The following GALNTL6 variants were observed in gnomAD, a reference collection of about 807,000 sequenced individuals.
GALNTL6 encodes polypeptide N-acetylgalactosaminyltransferase like 6.
GALNTL6 carries 46 observed loss-of-function variants against 73.7 expected under a neutral mutation model. The ratio of observed to expected loss-of-function variants is 0.62; its 90% CI spans 0.49 to 0.80. GALNTL6 has a LOEUF of 0.80. Among genes scored for constraint, GALNTL6 ranks in the 30% least tolerant of loss-of-function variants. The pLI is 0.00. For synonymous variants in GALNTL6, 259 were observed against 263.7 expected (o/e 0.98, Z 0.17); for missense variants, 604 against 755.0 (o/e 0.80, Z 2.34).
intron 2 of GALNTL6, among the ~76,000 whole-genome samples, chr4:171,976,800 CATTCATA>C (rs1290934738): frequency 6.6e-6 from 1 of 152,152 alleles, no homozygotes; most frequent in Non-Finnish European, 1.5e-5. Flanking sequence ...TGGAAGATGT[CATTCATA>C]ACATGAAACT....
chr4:172,678,350 A>ATTTTT (rs56057771), intron 5 of GALNTL6, among the ~76,000 whole-genome samples: 1 of 148,834 alleles, frequency 6.7e-6, no homozygotes, highest in African/African-American at 2.5e-5. Context: ...ACTAATTACT[A>ATTTTT]TTTTTTTTTT....
chr4:172,806,901 A>T (rs182979931), intron 5 of GALNTL6, among the ~76,000 whole-genome samples: 1 of 152,316 alleles, frequency 6.6e-6, no homozygotes, highest in African/African-American at 2.4e-5. Flanking sequence ...TCAATGCCTA[A>T]ATAAATTACA....
chr4:173,032,188 G>T (rs1753488360), intron 12 of GALNTL6, among the ~76,000 whole-genome samples: 1 of 152,216 alleles, frequency 6.6e-6, no homozygotes, highest in African/African-American at 2.4e-5. Flanking sequence ...TGTGGCTCAC[G>T]CCTGTAATCC....
At chr4:172,872,510 G>A (rs753114588) in intron 7 of GALNTL6, among the ~76,000 whole-genome samples, 4 of 152,130 alleles carry the variant, frequency 2.6e-5, no homozygotes, top group Admixed American at 6.5e-5. Context: ...AATGCAAAAT[G>A]CATTACAATG....
chr4:172,535,077 A>T (rs76177782), intron 5 of GALNTL6, among the ~76,000 whole-genome samples: 2,524 of 152,284 alleles, frequency 0.017, 65 homozygotes, highest in African/African-American at 0.057. Context: ...CTGAAAAACA[A>T]CTTCCATGTT....
At chr4:172,539,209 A>G (rs1472633803) in intron 5 of GALNTL6, among the ~76,000 whole-genome samples, 1 of 152,140 alleles carries the variant, frequency 6.6e-6, no homozygotes, top group Non-Finnish European at 1.5e-5. Flanking sequence ...ATCCCCATCA[A>G]CTTCACCATC....
chr4:172,109,977 T>C (rs1383268262), intron 2 of GALNTL6, among the ~76,000 whole-genome samples: 1 of 152,224 alleles, frequency 6.6e-6, no homozygotes, highest in Non-Finnish European at 1.5e-5. Context: ...AAAGAACTTG[T>C]CAAATAAAGA....
intron 2 of GALNTL6, among the ~76,000 whole-genome samples, chr4:172,213,997 A>T (rs1374633926): frequency 6.6e-6 from 1 of 152,092 alleles, no homozygotes; most frequent in Non-Finnish European, 1.5e-5. Flanking sequence ...CTAGATGTTG[A>T]TATTGTTTCA....
chr4:172,034,411 T>C (rs1741870065), intron 2 of GALNTL6, among the ~76,000 whole-genome samples: 1 of 53,434 alleles, frequency 1.9e-5, no homozygotes, highest in Non-Finnish European at 4.1e-5. Flanking sequence ...TGTGTGTGTG[T>C]GTGTGTGTGT....
At chr4:172,662,178 T>C (rs752172027) in intron 5 of GALNTL6, among the ~76,000 whole-genome samples, 1 of 152,028 alleles carries the variant, frequency 6.6e-6, no homozygotes, top group Non-Finnish European at 1.5e-5. Context: ...CTGTGGATAG[T>C]ATATTTCAGT....
At chr4:172,290,301 C>T (rs905039784) in intron 3 of GALNTL6, among the ~76,000 whole-genome samples, 2 of 152,098 alleles carry the variant, frequency 1.3e-5, no homozygotes, top group Non-Finnish European at 2.9e-5. Flanking sequence ...GAGACCGAAC[C>T]ATATTTGCTC....
intron 2 of GALNTL6, among the ~76,000 whole-genome samples, chr4:171,943,060 AG>A (rs1738598109): frequency 6.6e-6 from 1 of 152,226 alleles, no homozygotes. Context: ...GTTTCTCTCA[AG>A]GGGGTAGGAT....
chr4:172,377,910 C>G lies in GALNTL6; in HGVS notation c.553+29221C>G, dbSNP rs186883878. On this transcript the variant is annotated intron_variant, in intron 5 of 12. Transcript: ENST00000506823. Reference sequence around the variant, plus strand: ...TGCACGCAGCACCAGATCCCCCCCCCCATGCCTCTTCCTCCACACCTCCCC... The same window carrying G: ...TGCACGCAGCACCAGATCCCCCCCCGCATGCCTCTTCCTCCACACCTCCCC... Among the ~76,000 whole-genome samples, 1,218 of 152,076 alleles carry G rather than the reference C, an allele frequency of 8.0e-3. 11 individuals are homozygous for G. The highest frequency in any genetic ancestry group is 0.027 in the African/African-American group (1,139 of 41,468).
intron 2 of GALNTL6, among the ~76,000 whole-genome samples, chr4:172,174,571 C>T (rs549945684): frequency 1.1e-4 from 17 of 152,054 alleles, no homozygotes; most frequent in African/African-American, 3.6e-4. Context: ...ATTTATTGGT[C>T]GAGTAGTCCT....
intron 5 of GALNTL6, among the ~76,000 whole-genome samples, chr4:172,620,041 A>T (rs977106877): frequency 6.6e-6 from 1 of 152,014 alleles, no homozygotes. Flanking sequence ...ACTATTTGGG[A>T]CCTATTTTTT....
At chr4:171,920,329 A>C (rs1343645051) in intron 2 of GALNTL6, among the ~76,000 whole-genome samples, 2 of 152,118 alleles carry the variant, frequency 1.3e-5, no homozygotes, top group African/African-American at 4.8e-5. Flanking sequence ...ATGTATACAT[A>C]TGTAACAAAC....
At chr4:172,293,443 T>A (rs1485058672) in intron 3 of GALNTL6, among the ~76,000 whole-genome samples, 1 of 14,894 alleles carries the variant, frequency 6.7e-5, no homozygotes, top group Non-Finnish European at 6.1e-3. Context: ...CTCAATACAA[T>A]GAAAAACCTC....
chr4:172,862,720 G>GAAA (rs34253998), intron 7 of GALNTL6, among the ~76,000 whole-genome samples: 90,200 of 151,630 alleles, frequency 0.59, 30,779 homozygotes, highest in East Asian at 0.91. Flanking sequence ...AAAAGAGAAA[G>GAAA]AAAAAACCCA....
chr4:172,522,662 C>A (rs1470821460), intron 5 of GALNTL6, among the ~76,000 whole-genome samples: 2 of 92,562 alleles, frequency 2.2e-5, no homozygotes, highest in Non-Finnish European at 4.1e-5. Flanking sequence ...GAGTGAAACT[C>A]AGTCCCCCCC....
Sources: gnomAD v4.1 joint callset for allele counts (sites outside exome capture counted in the v4.1 genomes callset) on GRCh38, gnomAD v4.1.1 for gene constraint, MANE v1.5 for transcripts, NCBI Gene and HGNC (gene_info 2026-07-23, HGNC 2026-07-21) for gene names.